The following RAPGEF6 variants were observed in gnomAD, a reference collection of about 807,000 sequenced individuals.
RAPGEF6 encodes the protein Rap guanine nucleotide exchange factor 6.
A neutral mutation model predicts 171.4 loss-of-function variants in RAPGEF6; 56 were observed. The observed-to-expected ratio is 0.33, with a 90% CI of 0.26 to 0.41. RAPGEF6 has a LOEUF of 0.41. Among genes scored for constraint, RAPGEF6 ranks in the 10% least tolerant of loss-of-function variants. The pLI is 1.00. For synonymous variants in RAPGEF6, 692 were observed against 650.1 expected (o/e 1.06, Z -0.98); for missense variants, 1,674 against 1,921.4 (o/e 0.87, Z 2.41).
In RAPGEF6 at chr5:131,431,058, C is replaced by T; in HGVS notation, c.4266G>A (p.Gly1422=). 2.5e-6 allele frequency: 4 copies of T among 1,614,144 alleles called. No individual in the cohort carries two copies. The highest frequency in any genetic ancestry group is 3.4e-6 in the Non-Finnish European group (4 of 1,180,008). The change falls in exon 26 of 28, where the codon GGG becomes GGA. Residue 1422 remains glycine (G), a synonymous_variant. Transcript: ENST00000509018. ...TTCTCTCTAGGCTTCCTTTACACTGCCCACAAGTTCTAGAGCAGCTTTTAG... is the reference window on the plus strand; with the variant it reads ...TTCTCTCTAGGCTTCCTTTACACTGTCCACAAGTTCTAGAGCAGCTTTTAG... The part of the protein sequence containing the change: ...SCSKSCSRTC[G]QCKGSLERKS...
intron 19 of RAPGEF6, among the ~76,000 whole-genome samples, chr5:131,459,817 C>A (rs1383582127): frequency 1.3e-5 from 2 of 152,076 alleles, no homozygotes; most frequent in Non-Finnish European, 2.9e-5. Context: ...GTAACAGTAT[C>A]TCTGGGGAGA....
chr5:131,526,294 ATACACTTC>A (rs1317574080), intron 6 of RAPGEF6, among the ~76,000 whole-genome samples: 2 of 152,214 alleles, frequency 1.3e-5, no homozygotes, highest in African/African-American at 4.8e-5. Context: ...TGTACCAAAC[ATACACTTC>A]TACATGCCTT....
chr5:131,449,402 C>G (rs1752917955), intron 21 of RAPGEF6, among the ~76,000 whole-genome samples: 1 of 152,156 alleles, frequency 6.6e-6, no homozygotes, highest in Non-Finnish European at 1.5e-5. Context: ...GAAATAAAAT[C>G]ATCTTCTAGT....
At chr5:131,433,983 A>C (rs1451681654) in intron 24 of RAPGEF6, among the ~76,000 whole-genome samples, 1 of 152,172 alleles carries the variant, frequency 6.6e-6, no homozygotes, top group Non-Finnish European at 1.5e-5. Flanking sequence ...ATAAAATAAG[A>C]AGATTACAAA....
intron 23 of RAPGEF6, chr5:131,440,234 G>A (rs1580825802): frequency 2.2e-6 from 1 of 456,242 alleles, no homozygotes; most frequent in Admixed American, 2.3e-5. Context: ...TCACACTACA[G>A]GAGAGAAGTA....
At chr5:131,557,048 A>G (rs6873582) in intron 5 of RAPGEF6, among the ~76,000 whole-genome samples, 118,581 of 152,108 alleles carry the variant, frequency 0.78, 46,565 homozygotes, top group African/African-American at 0.83. Context: ...GGGACTGCAG[A>G]CGTGTGTCAC....
chr5:131,592,630 G>A (rs1763661365), intron 3 of RAPGEF6, among the ~76,000 whole-genome samples, 164 bp from the exon 4 acceptor site: 1 of 152,148 alleles, frequency 6.6e-6, no homozygotes, highest in Non-Finnish European at 1.5e-5. Flanking sequence ...GTTTTATACA[G>A]ACCACGTTTA....
chr5:131,448,035 C>A (rs1051279317), intron 21 of RAPGEF6, among the ~76,000 whole-genome samples: 35 of 152,154 alleles, frequency 2.3e-4, no homozygotes, highest in African/African-American at 8.0e-4. Context: ...CAAGAACATT[C>A]CCAAAGCAAG....
intron 6 of RAPGEF6, among the ~76,000 whole-genome samples, chr5:131,529,904 T>C (rs1452954572): frequency 7.0e-6 from 1 of 142,484 alleles, no homozygotes; most frequent in African/African-American, 2.6e-5. Context: ...TCTCCCTCTT[T>C]TTTTTTTTTT....
rs6872389 is a variant in RAPGEF6, at chr5:131,433,578, C to T, written c.3826G>A (p.Val1276Met). ...ATGGAGTCAACAGAACAATTGCTCA[C>T]GATGCTGGACCGTGAAGAAATCTCA... is the stretch of plus-strand genomic sequence containing the variant. ...HSEISSRSSI[V>M]SNCSVDSMSA... The change falls in exon 25 of 28, where the codon GTG (valine) becomes ATG (methionine). Residue 1276 changes from valine to methionine, a missense_variant. Physicochemically the swap from Val to Met is conservative, Grantham distance 21 (BLOSUM62 1). Coordinates refer to ENST00000509018, the MANE Select transcript of RAPGEF6 (RefSeq NM_016340.6). 1.2e-5 allele frequency: 19 copies of T among 1,613,626 alleles called. No homozygotes were observed. Among genetic ancestry groups the T allele is most frequent in the Admixed American group, 1.2e-4 (7 of 59,990 alleles).
intron 6 of RAPGEF6, 36 bp from the exon 7 acceptor site, chr5:131,521,557 C>A: frequency 6.4e-7 from 1 of 1,571,716 alleles, no homozygotes; most frequent in South Asian, 1.2e-5. Context: ...TTCTAAATGT[C>A]AAGCTTTACC....
intron 2 of RAPGEF6, among the ~76,000 whole-genome samples, 177 bp downstream of exon 2, chr5:131,604,446 C>T (rs1319928994): frequency 6.6e-6 from 1 of 152,052 alleles, no homozygotes; most frequent in Non-Finnish European, 1.5e-5. Context: ...TGTTTTTCCC[C>T]AACTCCAAAA....
chr5:131,447,472 C>T (rs191020572), intron 21 of RAPGEF6: 4 of 152,226 alleles, frequency 2.6e-5, no homozygotes, highest in Admixed American at 2.0e-4. Context: ...CAGCTTCACC[C>T]GACTCTACTC....
At chr5:131,531,956 T>TA (rs1759411980) in intron 6 of RAPGEF6, 7 of 259,704 alleles carry the variant, frequency 2.7e-5, no homozygotes, top group Non-Finnish European at 3.1e-5. Flanking sequence ...GATATTTAAA[T>TA]TAAAAAAAAA....
chr5:131,521,607 A>C, intron 6 of RAPGEF6, 86 bp from the exon 7 acceptor site: 3 of 1,261,226 alleles, frequency 2.4e-6, no homozygotes, highest in Non-Finnish European at 3.2e-6. Flanking sequence ...ATTTTTATGT[A>C]CATTACTGTG....
chr5:131,448,916 C>T (rs577810953), intron 21 of RAPGEF6, among the ~76,000 whole-genome samples: 255 of 151,940 alleles, frequency 1.7e-3, no homozygotes, highest in African/African-American at 5.6e-3. Flanking sequence ...CATAAATTTG[C>T]GATCCAGAAG....
At chr5:131,503,662 G>T (rs1300220821) in intron 11 of RAPGEF6, among the ~76,000 whole-genome samples, 1 of 152,168 alleles carries the variant, frequency 6.6e-6, no homozygotes, top group Non-Finnish European at 1.5e-5. Flanking sequence ...CTTGAAAAGA[G>T]AAACAGTTAT....
chr5:131,564,560 A>G (rs906292808), intron 4 of RAPGEF6, among the ~76,000 whole-genome samples: 1 of 152,228 alleles, frequency 6.6e-6, no homozygotes, highest in African/African-American at 2.4e-5. Context: ...AAAGAGATGC[A>G]AAAGCTGGAA....
chr5:131,424,482 C>T lies in RAPGEF6; in HGVS notation c.*2784G>A, dbSNP rs1353056388. ...AATCAGTTTTAAGGAAGCTTTTTCT[C>T]CTCCTTCCTTTTTTGTAGAGGAAAG... On this transcript the variant is annotated 3_prime_UTR_variant, in exon 28 of 28. Transcript: ENST00000509018. The T allele has an allele frequency of 6.6e-6, 1 of 152,242 alleles. No homozygotes were observed. Among genetic ancestry groups the T allele is most frequent in the Non-Finnish European group, 1.5e-5 (1 of 68,006 alleles). 9.4% of individuals were successfully genotyped at this position (152,242 alleles called of 1,614,324 possible). A position where few individuals can be genotyped will look rare whatever the true frequency, so the allele number is the denominator to read the frequency against.
Sources: gnomAD v4.1 joint callset for allele counts (sites outside exome capture counted in the v4.1 genomes callset) on GRCh38, gnomAD v4.1.1 for gene constraint, MANE v1.5 for transcripts, NCBI Gene and HGNC (gene_info 2026-07-23, HGNC 2026-07-21) for gene names.